Variants in ACAP1 observed in about 807,000 individuals in gnomAD.
The protein encoded by ACAP1 is ArfGAP with coiled-coil, ankyrin repeat and PH domains 1.
A neutral mutation model predicts 98.8 loss-of-function variants in ACAP1; 45 were observed. That is an observed-to-expected ratio of 0.46 (90% CI 0.36 to 0.58). The LOEUF is 0.58. Among genes scored for constraint, ACAP1 ranks in the 20% least tolerant of loss-of-function variants. The pLI is 0.00. For missense variants in ACAP1, 735 were observed against 971.4 expected (o/e 0.76, Z 3.24); for synonymous variants, 362 against 375.3 (o/e 0.96, Z 0.41).
chr17:7,343,790 C>T lies in ACAP1; in HGVS notation c.573+40C>T. ...GGGTGAGGGCAGGGTGGAGAAGAGC[C>T]TGCTGCCAGCACAAGGGAATGGGGA... On this transcript the variant is annotated intron_variant, in intron 7 of 21. Transcript: ENST00000158762. The surrounding 1 kb of genome is among the most constrained non-coding windows in gnomAD (Gnocchi z 4.9). 1 of 1,613,034 alleles carries T rather than the reference C, an allele frequency of 6.2e-7. No homozygotes were observed. The highest frequency in any genetic ancestry group is 1.1e-5 in the South Asian group (1 of 90,948).
chr17:7,342,017 G>T lies in ACAP1; in HGVS notation c.181G>T (p.Val61Phe), dbSNP rs758348902. Residue 61 changes from valine (V) to phenylalanine (F), a missense_variant, in exon 3 of 22, where the codon GTC becomes TTC. Val to Phe is a conservative substitution (Grantham distance 50). This residue lies in a region of ACAP1 where 430 missense variants were observed against 531.8 expected (regional missense o/e 0.81). Coordinates refer to ENST00000158762, the MANE Select transcript of ACAP1 (RefSeq NM_014716.4). ...HYLAASRAFV[V>F]GICDLARLGP... ...CCTTGCTGCCAGCCGCGCCTTCGTT[G>T]TCGGCATTTGTGACCTGGCCCGCCT... 6.2e-7 allele frequency: 1 copy of T among 1,614,096 alleles called. No homozygotes were observed. The highest frequency in any genetic ancestry group is 8.5e-7 in the Non-Finnish European group (1 of 1,179,996).
In ACAP1 at chr17:7,350,128, C is replaced by T; in HGVS notation, c.1963C>T (p.Leu655Phe). 6.2e-7 allele frequency: 1 copy of T among 1,614,154 alleles called. No individual in the cohort carries two copies. The highest frequency in any genetic ancestry group is 8.5e-7 in the Non-Finnish European group (1 of 1,179,974). The change falls in exon 20 of 22, where the codon CTC becomes TTC. Residue 655 changes from leucine to phenylalanine, a missense_variant and splice_region_variant. Physicochemically the swap from Leu to Phe is conservative, Grantham distance 22. Transcript: ENST00000158762. This position sits in a 1 kb window ranked among gnomAD's most constrained non-coding sequence, Gnocchi z 4.6. Reference protein sequence around the residue: ...HHATILGHTGLACLFLKRGAD... With the variant: ...HHATILGHTGFACLFLKRGAD... The stretch of plus-strand genomic sequence containing the variant: ...GCTGACCCTGGCTCTTCTCTCCAGG[C>T]TCGCCTGCCTGTTCCTGAAACGGGG...
At chr17:7,348,549 C>A in intron 17 of ACAP1, 74 bp downstream of exon 17, 1 of 1,418,444 alleles carries the variant, frequency 7.0e-7, no homozygotes. Flanking sequence ...CCGGGAGGCA[C>A]AGAGTGTGAA....
At chr17:7,341,405 C>T (rs2073276803) in intron 2 of ACAP1, among the ~76,000 whole-genome samples, 1 of 152,214 alleles carries the variant, frequency 6.6e-6, no homozygotes, top group African/African-American at 2.4e-5. Context: ...CCATGCCTGG[C>T]TAATTTTTGA....
At chr17:7,341,077 GATTA>G (rs1395478254) in intron 2 of ACAP1, among the ~76,000 whole-genome samples, 2 of 152,170 alleles carry the variant, frequency 1.3e-5, no homozygotes, top group African/African-American at 4.8e-5. Context: ...CTAGATGATG[GATTA>G]ATATTTATGA....
intron 18 of ACAP1, chr17:7,349,468 C>T (rs927086312): frequency 2.0e-5 from 6 of 304,516 alleles, no homozygotes; most frequent in African/African-American, 6.5e-5. Context: ...CTCCGCCTCC[C>T]GGGTTCACAC....
chr17:7,348,286 G>A lies in ACAP1; in HGVS notation c.1509-20G>A, dbSNP rs2292066. ...CCTGGAGCAGAAGAGGGAAGACTGC[G>A]TGCTTCTCCCCTCCCACAGGCAGGA... On this transcript the variant is annotated intron_variant, in intron 16 of 21. Coordinates refer to ENST00000158762, the MANE Select transcript of ACAP1 (RefSeq NM_014716.4). 943 of 1,595,168 alleles carry A rather than the reference G, an allele frequency of 5.9e-4. 8 individuals carry two copies. The African/African-American group carries it at 0.012, about 20-fold the overall frequency.
Position 7,342,477 on chromosome 17 carries a change from G to A in ACAP1, c.344+3G>A. 1 of 1,614,064 alleles carries A rather than the reference G, an allele frequency of 6.2e-7. No individual in the cohort carries two copies. Among genetic ancestry groups the A allele is most frequent in the Non-Finnish European group, 8.5e-7 (1 of 1,179,982 alleles). On this transcript the variant is annotated splice_donor_region_variant and intron_variant, in intron 5 of 21. Coordinates refer to ENST00000158762, the MANE Select transcript of ACAP1 (RefSeq NM_014716.4). ...CAGATCCAGACCCTGGTCAAGGAGT[G>A]AGATGGGGCCGGGCGCAGTGGCTCA...
At chr17:7,349,780 G>C in intron 18 of ACAP1, 165 bp from the exon 19 acceptor site, 2 of 604,398 alleles carry the variant, frequency 3.3e-6, no homozygotes, top group Non-Finnish European at 3.0e-6. Flanking sequence ...CATGCAAAGA[G>C]CTAGAGCCAA....
intron 5 of ACAP1, 63 bp downstream of exon 5, chr17:7,342,537 G>T: frequency 1.3e-6 from 2 of 1,560,164 alleles, no homozygotes; most frequent in Middle Eastern, 1.7e-4. Context: ...AGGCCAAGGC[G>T]GGAGGATTGC....
chr17:7,342,528 G>T, intron 5 of ACAP1, 54 bp downstream of exon 5: 1 of 1,578,870 alleles, frequency 6.3e-7, no homozygotes, highest in African/African-American at 1.3e-5. Context: ...CACTTTGGAA[G>T]GCCAAGGCGG....
rs1211382447 is a variant in ACAP1, at chr17:7,343,092, A to G, written c.345-287A>G. The G allele has an allele frequency of 2.9e-6, 1 of 346,560 alleles. No homozygotes were observed. Among genetic ancestry groups the G allele is most frequent in the Non-Finnish European group, 5.3e-6 (1 of 190,286 alleles). The allele number at this position is 346,560 out of a possible 1,614,324, so 21.5% of individuals were successfully genotyped here. ...AAGACCCGGTCTCAAAAACAAAAAC[A>G]ACAACAACAACAAAAATTTTTTAAA... On this transcript the variant is annotated intron_variant, in intron 5 of 21. Transcript: ENST00000158762. The surrounding 1 kb of genome is among the most constrained non-coding windows in gnomAD (Gnocchi z 4.9).
Position 7,336,544 on chromosome 17 carries a change from T to C in ACAP1, c.-191T>C. ...TGCCCCTCCCAGCACTGCCTGGAAG[T>C]GTGGGGTGAGAGCTCCTCCTAGGAC... is the stretch of plus-strand genomic sequence containing the variant. On this transcript the variant is annotated 5_prime_UTR_variant, in exon 1 of 22. Transcript: ENST00000158762. The C allele has an allele frequency of 3.5e-6, 2 of 571,898 alleles. No homozygotes were observed. Among genetic ancestry groups the C allele is most frequent in the Non-Finnish European group, 6.3e-6 (2 of 317,974 alleles). The allele number at this position is 571,898 out of a possible 1,614,324, so 35.4% of individuals were successfully genotyped here.
intron 2 of ACAP1, among the ~76,000 whole-genome samples, chr17:7,339,179 A>G (rs879478234): frequency 5.3e-5 from 8 of 152,028 alleles, no homozygotes; most frequent in Admixed American, 5.2e-4. Flanking sequence ...AGTCCCAGCT[A>G]CTCAGGAGGC....
At position 7,341,984 on chromosome 17, in the gene ACAP1, C is replaced by T. The variant is rs370473529; in HGVS notation, c.148C>T (p.Arg50Cys). Residue 50 changes from arginine (R) to cysteine (C), a missense_variant, in exon 3 of 22, where the codon CGC becomes TGC. By Grantham distance (180) the Arg-to-Cys change is radical (BLOSUM62 -3). Coordinates refer to ENST00000158762, the MANE Select transcript of ACAP1 (RefSeq NM_014716.4). ...GGGCACTGGTCTCCTGGAAAGTGGG[C>T]GCCATTACCTTGCTGCCAGCCGCGC... ...KLGTGLLESG[R>C]HYLAASRAFV... 28 of 1,614,038 alleles carry T rather than the reference C, an allele frequency of 1.7e-5. No individual in the cohort carries two copies. The African/African-American group carries it at 2.0e-4, about 12-fold the overall frequency.
chr17:7,347,763 A>G, intron 14 of ACAP1, 159 bp from the exon 15 acceptor site: 2 of 633,544 alleles, frequency 3.2e-6, no homozygotes, highest in Non-Finnish European at 2.8e-6. Flanking sequence ...TCAAGGCTAC[A>G]TGGCGGTTAC....
At chr17:7,341,200 G>C (rs778873021) in intron 2 of ACAP1, among the ~76,000 whole-genome samples, 13 of 152,164 alleles carry the variant, frequency 8.5e-5, no homozygotes, top group Non-Finnish European at 1.5e-4. Context: ...ACCCAGGCTG[G>C]AGTGCAGTAG....
intron 14 of ACAP1, 99 bp from the exon 15 acceptor site, chr17:7,347,823 C>T: frequency 2.0e-6 from 2 of 1,015,354 alleles, no homozygotes; most frequent in African/African-American, 1.6e-5. Flanking sequence ...CACGGGCCCC[C>T]ATGCCAGCCT....
Position 7,337,358 on chromosome 17 carries a change from C to G in ACAP1, c.100C>G (p.Arg34Gly). The change falls in exon 2 of 22, where the codon CGT (arginine) becomes GGT (glycine). Residue 34 changes from arginine (R) to glycine (G), a missense_variant. By Grantham distance (125) the Arg-to-Gly change is moderately radical. This residue lies in a region of ACAP1 where 430 missense variants were observed against 531.8 expected (regional missense o/e 0.81). Coordinates refer to ENST00000158762, the MANE Select transcript of ACAP1 (RefSeq NM_014716.4). ...AGCCGAAGTGTCAGAATTGGAGACC[C>G]GTCTGGAAAAGGTGACCCTGACATG... is the stretch of plus-strand genomic sequence containing the variant. ...VEAEVSELETRLEKLLKLGTG... is the reference protein window; with the variant it reads ...VEAEVSELETGLEKLLKLGTG... 6.2e-7 allele frequency: 1 copy of G among 1,614,086 alleles called. No homozygotes were observed. The highest frequency in any genetic ancestry group is 1.7e-5 in the Admixed American group (1 of 60,010).
Sources: allele counts gnomAD v4.1 joint callset (sites outside exome capture counted in the v4.1 genomes callset), GRCh38; gene constraint gnomAD v4.1.1; regional missense constraint gnomAD v4.1.1; non-coding constraint Gnocchi (gnomAD v3.1); transcripts MANE v1.5; gene names NCBI Gene and HGNC (gene_info 2026-07-23, HGNC 2026-07-21).